Variants in TRIP4 observed in about 807,000 individuals in gnomAD.
TRIP4 encodes the protein activating signal cointegrator 1.
Under a neutral mutation model 81.8 loss-of-function variants are expected in TRIP4, and 54 were observed. The observed-to-expected ratio is 0.66, with a 90% CI of 0.53 to 0.83. The LOEUF is 0.83. Ranked by LOEUF, TRIP4 falls within the 40% of genes least tolerant of loss-of-function variation. The pLI is 0.00. For synonymous variants in TRIP4, 270 were observed against 242.8 expected (o/e 1.11, Z -1.04); for missense variants, 662 against 683.6 (o/e 0.97, Z 0.35).
intron 11 of TRIP4, among the ~76,000 whole-genome samples, chr15:64,443,589 G>A (rs1247655332): frequency 6.6e-6 from 1 of 152,090 alleles, no homozygotes; most frequent in Non-Finnish European, 1.5e-5. Flanking sequence ...ATAACAGCTG[G>A]GCCCTGTTTT....
At chr15:64,440,102 A>G (rs1892484114) in intron 11 of TRIP4, among the ~76,000 whole-genome samples, 1 of 151,952 alleles carries the variant, frequency 6.6e-6, no homozygotes, top group South Asian at 2.1e-4. Flanking sequence ...ATAAAATTAG[A>G]CAGGTCTGGT....
In TRIP4 at chr15:64,455,068, A is replaced by C. The variant is rs1283088991; in HGVS notation, c.*4A>C. ...GAAGCAGAATAAAGCTGTCTGACCC[A>C]GGAGAAAAGGAACTATACAGCATAG... On this transcript the variant is annotated 3_prime_UTR_variant, in exon 13 of 13. Transcript: ENST00000261884. The C allele has an allele frequency of 2.5e-6, 4 of 1,613,946 alleles. No homozygotes were observed. Among genetic ancestry groups the C allele is most frequent in the Non-Finnish European group, 3.4e-6 (4 of 1,179,856 alleles).
At position 64,414,143 on chromosome 15, in the gene TRIP4, T is replaced by C; in HGVS notation, c.1102T>C (p.Leu368=). The C allele has an allele frequency of 1.2e-6, 2 of 1,614,118 alleles. No individual in the cohort carries two copies. Among genetic ancestry groups the C allele is most frequent in the Admixed American group, 1.7e-5 (1 of 59,998 alleles). The change falls in exon 8 of 13, where the codon TTG becomes CTG. Residue 368 remains leucine (L), a synonymous_variant. Transcript: ENST00000261884. The part of the protein sequence containing the change: ...NGTLNQPLTK[L]DRSSEEPLGV... The stretch of plus-strand genomic sequence containing the variant: ...AACCTTGAACCAGCCACTGACCAAA[T>C]TGGATAGATCTTCTGAAGAGCCTTT...
At chr15:64,421,575 A>T (rs1380419341) in intron 9 of TRIP4, among the ~76,000 whole-genome samples, 1 of 151,740 alleles carries the variant, frequency 6.6e-6, no homozygotes, top group Non-Finnish European at 1.5e-5. Context: ...ACCTCAAGTG[A>T]TCCACCCGCC....
In TRIP4 at chr15:64,399,217, G is replaced by T. The variant is rs370219361; in HGVS notation, c.618+1399G>T. On this transcript the variant is annotated intron_variant, in intron 4 of 12. Transcript: ENST00000261884. The stretch of plus-strand genomic sequence containing the variant: ...TCCAACCATCTCAGCCTCCCAAAGT[G>T]CTGGGATTACAGGTGTGAGCCACCG... Among the ~76,000 whole-genome samples the T allele has an allele frequency of 8.6e-5, 13 of 152,012 alleles. No homozygotes were observed. In the East Asian group the frequency reaches 2.5e-3, roughly 29 times the overall value.
chr15:64,429,742 G>C (rs1024398291), intron 11 of TRIP4, among the ~76,000 whole-genome samples: 8 of 152,192 alleles, frequency 5.3e-5, no homozygotes, highest in African/African-American at 1.9e-4. Flanking sequence ...AACTCACTGA[G>C]AGAGAACCAT....
At chr15:64,440,624 C>G (rs534405299) in intron 11 of TRIP4, among the ~76,000 whole-genome samples, 1 of 152,226 alleles carries the variant, frequency 6.6e-6, no homozygotes, top group South Asian at 2.1e-4. Context: ...AAGTTCAGTG[C>G]TAGTAGTAGG....
rs532240744 is a variant in TRIP4 at position 64,390,629 on chromosome 15, G to A, written c.101+2665G>A. On this transcript the variant is annotated intron_variant, in intron 1 of 12. Coordinates refer to ENST00000261884, the MANE Select transcript of TRIP4 (RefSeq NM_016213.5). The stretch of plus-strand genomic sequence containing the variant: ...TCTCAGGCCAGGCGTGGTGGCTCAC[G>A]CCTGTAATCCTAGCACTTTAGGAGG... 3.3e-5 allele frequency among the ~76,000 whole-genome samples: 5 copies of A among 152,030 alleles called. No homozygotes were observed. The South Asian group carries it at 1.0e-3, about 32-fold the overall frequency.
chr15:64,393,326 GT>G (rs1555408702), intron 1 of TRIP4: 34 of 114,378 alleles, frequency 3.0e-4, no homozygotes, highest in Non-Finnish European at 2.9e-4. Context: ...ATTTTTTTTT[GT>G]TTTTTTTTTT....
intron 4 of TRIP4, among the ~76,000 whole-genome samples, chr15:64,399,702 A>T (rs1027229699): frequency 3.3e-5 from 5 of 152,008 alleles, no homozygotes; most frequent in Non-Finnish European, 4.4e-5. Context: ...GGGTTTCTCT[A>T]TATTGACCAC....
At chr15:64,442,456 T>G (rs926452655) in intron 11 of TRIP4, among the ~76,000 whole-genome samples, 7 of 151,912 alleles carry the variant, frequency 4.6e-5, no homozygotes. Flanking sequence ...TTTTTAACGT[T>G]TTATTTTTTG....
At chr15:64,434,375 G>A (rs1892342504) in intron 11 of TRIP4, among the ~76,000 whole-genome samples, 1 of 149,374 alleles carries the variant, frequency 6.7e-6, no homozygotes, top group Non-Finnish European at 1.5e-5. Context: ...CTCCAGCCTG[G>A]GCAACAAGAG....
intron 11 of TRIP4, among the ~76,000 whole-genome samples, chr15:64,432,650 A>G (rs1312655350): frequency 1.3e-5 from 2 of 151,400 alleles, no homozygotes; most frequent in Non-Finnish European, 2.9e-5. Flanking sequence ...GGTGACTCAC[A>G]CCTTTAATCC....
At chr15:64,450,393 GAAAAAAAAAA>G (rs1005400086) in intron 12 of TRIP4, among the ~76,000 whole-genome samples, 3 of 46,928 alleles carry the variant, frequency 6.4e-5, no homozygotes, top group Non-Finnish European at 9.3e-5. Flanking sequence ...CGTCTCAAAA[GAAAAAAAAAA>G]AAAAAAAAAA....
chr15:64,451,883 C>A (rs1276837559), intron 12 of TRIP4, among the ~76,000 whole-genome samples: 1 of 151,060 alleles, frequency 6.6e-6, no homozygotes, highest in Non-Finnish European at 1.5e-5. Flanking sequence ...GAACTTCTGA[C>A]CTTAGGTGAT....
chr15:64,398,164 G>C (rs1189476279), intron 4 of TRIP4, among the ~76,000 whole-genome samples: 1 of 152,106 alleles, frequency 6.6e-6, no homozygotes, highest in African/African-American at 2.4e-5. Context: ...GCCTCTCAAA[G>C]TTCTGGGATT....
At chr15:64,395,965 G>C (rs902246093) in intron 3 of TRIP4, among the ~76,000 whole-genome samples, 1 of 151,720 alleles carries the variant, frequency 6.6e-6, no homozygotes, top group African/African-American at 2.4e-5. Flanking sequence ...CTGGAATGCA[G>C]TGGTGTAATC....
At chr15:64,391,448 C>G (rs1035263116) in intron 1 of TRIP4, among the ~76,000 whole-genome samples, 1 of 151,944 alleles carries the variant, frequency 6.6e-6, no homozygotes, top group Non-Finnish European at 1.5e-5. Flanking sequence ...AGCCACTGCA[C>G]CCGGCCTTAA....
chr15:64,444,328 T>C (rs1173353505), intron 11 of TRIP4, among the ~76,000 whole-genome samples: 1 of 152,234 alleles, frequency 6.6e-6, no homozygotes, highest in Non-Finnish European at 1.5e-5. Flanking sequence ...AGCATAGTCT[T>C]ACTCTAGGTT....
Sources: gnomAD v4.1 joint callset for allele counts (sites outside exome capture counted in the v4.1 genomes callset) on GRCh38, gnomAD v4.1.1 for gene constraint, MANE v1.5 for transcripts, NCBI Gene and HGNC (gene_info 2026-07-23, HGNC 2026-07-21) for gene names.